SOD2: variants seen among roughly 807,000 people sequenced by gnomAD.
SOD2 encodes the protein superoxide dismutase [Mn], mitochondrial.
Under a neutral mutation model 27.0 loss-of-function variants are expected in SOD2, and 11 were observed. That is an observed-to-expected ratio of 0.41 (90% CI 0.26 to 0.67). The LOEUF is 0.67. Among genes scored for constraint, SOD2 ranks in the 30% least tolerant of loss-of-function variants. SOD2 has a pLI of 0.34. For missense variants in SOD2, 250 were observed against 274.5 expected, an observed-to-expected ratio of 0.91 and a Z score of 0.63; for synonymous variants, 105 against 103.0, an observed-to-expected ratio of 1.02 and a Z score of -0.12.
Position 159,720,926 on chromosome 6 carries a change from GGCTCAGT to G in SOD2, c.-116+6196_-116+6202del, listed in dbSNP as rs1778026425. 8.7e-5 allele frequency among the ~76,000 whole-genome samples: 11 copies of G among 127,104 alleles called. 1 individual carries two copies. The South Asian group carries it at 2.9e-3, about 33-fold the overall frequency. 83.4% of individuals were successfully genotyped at this position (127,104 alleles called of 152,430 possible). A position where few individuals can be genotyped will look rare whatever the true frequency, so the allele number is the denominator to read the frequency against. Reference sequence around the variant, plus strand: ...GGCTGTAGTGCAATGGCGCGATCTCGGCTCAGTGCAACCTCTGCTCCTGGGTTCAAGT... The same window carrying G: ...GGCTGTAGTGCAATGGCGCGATCTCGGCAACCTCTGCTCCTGGGTTCAAGT... On this transcript the variant is annotated intron_variant, in intron 1 of 2. Coordinates refer to the SOD2 transcript ENST00000401980.
intron 1 of SOD2, among the ~76,000 whole-genome samples, chr6:159,721,795 G>C (rs1391104975): frequency 6.7e-6 from 1 of 149,930 alleles, no homozygotes; most frequent in Non-Finnish European, 1.5e-5. Flanking sequence ...AAAGTGCTGG[G>C]ATTACAGGCG....
In SOD2 at chr6:159,680,441, C is replaced by G. The variant is rs1455058349; in HGVS notation, c.*2052G>C. On this transcript the variant is annotated 3_prime_UTR_variant, in exon 5 of 5. Coordinates refer to ENST00000538183, the MANE Select transcript of SOD2 (RefSeq NM_000636.4). ...ACACACCGCTTTGGTACTCTTGTCT[C>G]TAATAATTTTTAAAGCCTACTTTTC... 1 of 151,936 alleles carries G rather than the reference C, an allele frequency of 6.6e-6. No individual in the cohort carries two copies. The highest frequency in any genetic ancestry group is 6.6e-5 in the Admixed American group (1 of 15,238). The allele number at this position is 151,936 out of a possible 1,614,324, so 9.4% of individuals were successfully genotyped here. A position where few individuals can be genotyped will look rare whatever the true frequency, so the allele number is the denominator to read the frequency against.
At chr6:159,715,860 A>C (rs145064647) in intron 1 of SOD2, among the ~76,000 whole-genome samples, 1,547 of 151,906 alleles carry the variant, frequency 0.01, 12 homozygotes, top group Middle Eastern at 0.068. Flanking sequence ...AGATGACACC[A>C]CTGGTCTCCA....
At chr6:159,695,938 C>T (rs1464672664), upstream of SOD2, among the ~76,000 whole-genome samples, 2 of 152,166 alleles carry the variant, frequency 1.3e-5, no homozygotes, top group Admixed American at 1.3e-4. Flanking sequence ...ATATGGATTT[C>T]CCATAGATAA....
chr6:159,714,287 ATTC>A (rs1777885107), intron 1 of SOD2, among the ~76,000 whole-genome samples: 1 of 151,986 alleles, frequency 6.6e-6, no homozygotes, highest in African/African-American at 2.4e-5. Flanking sequence ...CTTTTCCTCT[ATTC>A]TTTTTTCCCT....
At chr6:159,695,966 C>T (rs1777415444), upstream of SOD2, among the ~76,000 whole-genome samples, 1 of 152,228 alleles carries the variant, frequency 6.6e-6, no homozygotes, top group Non-Finnish European at 1.5e-5. Flanking sequence ...AAGGCTACAT[C>T]ACAGCCATCC....
intron 2 of SOD2, among the ~76,000 whole-genome samples, chr6:159,690,148 G>T (rs1030198438): frequency 3.3e-5 from 5 of 150,198 alleles, no homozygotes; most frequent in African/African-American, 7.4e-5. Flanking sequence ...GTAGCCAGGC[G>T]TGGTGGCGTA....
At chr6:159,753,640 C>G (rs767747317) in intron 1 of SOD2, 2 of 1,583,154 alleles carry the variant, frequency 1.3e-6, no homozygotes, top group South Asian at 1.2e-5. Context: ...CTTTTTGGAA[C>G]GTTGTCTCAA....
chr6:159,759,659 G>GA (rs11368548), intron 1 of SOD2, among the ~76,000 whole-genome samples: 149,977 of 149,980 alleles, frequency 1, 74,987 homozygotes, highest in Middle Eastern at 1. Flanking sequence ...GACAGAGCGA[G>GA]CTCCGTCTCA....
intron 1 of SOD2, chr6:159,743,849 A>G: frequency 2.7e-6 from 4 of 1,500,870 alleles, no homozygotes; most frequent in East Asian, 2.4e-5. Context: ...TTTAGTCCAC[A>G]TTATTACATG....
chr6:159,755,638 T>C (rs1488188046), intron 1 of SOD2: 2 of 1,546,440 alleles, frequency 1.3e-6, no homozygotes. Flanking sequence ...TTTTATACAG[T>C]GTCATTTAAT....
chr6:159,710,852 T>TCCATAACCACCACCATAACCACCTC (rs201365555), intron 1 of SOD2, among the ~76,000 whole-genome samples: 1 of 135,252 alleles, frequency 7.4e-6, no homozygotes, highest in African/African-American at 2.8e-5. Flanking sequence ...CATAACCACC[T>TCCATAACCACCACCATAACCACCTC]CATAACCACC....
chr6:159,725,597 CT>C (rs199622343), intron 1 of SOD2: 1 of 150,932 alleles, frequency 6.6e-6, no homozygotes, highest in African/African-American at 2.4e-5. Context: ...ACTTTGTTTC[CT>C]TTTTTATTTA....
chr6:159,762,018 T>A, exon 1 of SOD2: 1 of 1,570,954 alleles, frequency 6.4e-7, no homozygotes, highest in Non-Finnish European at 8.7e-7. Context: ...GCGGCAGGCC[T>A]GTGGGCTGCG....
At chr6:159,688,381 AC>A (rs796951388) in intron 2 of SOD2, 139 bp from the exon 3 acceptor site, 166 of 587,510 alleles carry the variant, frequency 2.8e-4, no homozygotes, top group African/African-American at 2.5e-3. Context: ...AAAATTCAGC[AC>A]CCCCCCGCCC....
At chr6:159,742,198 TAAAATC>T (rs760599071) in intron 1 of SOD2, 16 of 1,410,560 alleles carry the variant, frequency 1.1e-5, no homozygotes, top group African/African-American at 2.9e-5. Context: ...TTTTGATTGT[TAAAATC>T]AAAAGGATAG....
At chr6:159,739,502 T>A (rs1212512009) in intron 1 of SOD2, among the ~76,000 whole-genome samples, 1 of 152,226 alleles carries the variant, frequency 6.6e-6, no homozygotes, top group Non-Finnish European at 1.5e-5. Context: ...AGTTCTGAAT[T>A]TCTGCGGTTA....
At chr6:159,723,478 G>T (rs1036625127) in intron 1 of SOD2, among the ~76,000 whole-genome samples, 5 of 152,184 alleles carry the variant, frequency 3.3e-5, no homozygotes, top group African/African-American at 1.2e-4. Flanking sequence ...GGCTCATCTT[G>T]TACCTTTCCC....
chr6:159,742,996 A>T (rs1779354838), intron 1 of SOD2, among the ~76,000 whole-genome samples: 1 of 152,148 alleles, frequency 6.6e-6, no homozygotes, highest in Admixed American at 6.5e-5. Context: ...ACAGAATAAG[A>T]TCCTGCCTCA....
Sources: allele counts gnomAD v4.1 joint callset (sites outside exome capture counted in the v4.1 genomes callset), GRCh38; gene constraint gnomAD v4.1.1; transcripts MANE v1.5; gene names NCBI Gene and HGNC (gene_info 2026-07-23, HGNC 2026-07-21).